The following SPECC1 variants were observed in gnomAD, a reference collection of about 807,000 sequenced individuals.
SPECC1 encodes the protein sperm antigen with calponin homology and coiled-coil domains 1, also known as cytospin-B.
SPECC1 carries 62 observed loss-of-function variants against 104.1 expected under a neutral mutation model. The ratio of observed to expected loss-of-function variants is 0.60; its 90% CI spans 0.49 to 0.74. The LOEUF (loss-of-function observed/expected upper bound fraction) is 0.74. Ranked by LOEUF, SPECC1 falls within the 30% of genes least tolerant of loss-of-function variation. The pLI, the probability that SPECC1 is intolerant of heterozygous loss-of-function variation, is 0.00. For synonymous variants in SPECC1, 513 were observed against 501.6 expected, an observed-to-expected ratio of 1.02 and a Z score of -0.30; for missense variants, 1,306 against 1,310.5, an observed-to-expected ratio of 1.00 and a Z score of 0.05.
intron 3 of SPECC1, among the ~76,000 whole-genome samples, chr17:20,201,308 A>C (rs1167798312): frequency 1.3e-5 from 2 of 151,942 alleles, no homozygotes; most frequent in African/African-American, 4.8e-5. Flanking sequence ...AAAAAAAAAA[A>C]AACAAAAAAA....
chr17:20,149,840 A>T (rs2031821745), intron 3 of SPECC1, among the ~76,000 whole-genome samples: 2 of 152,156 alleles, frequency 1.3e-5, no homozygotes, highest in African/African-American at 4.8e-5. Flanking sequence ...AATTTGAGTT[A>T]AAAAAACAGT....
chr17:20,246,866 A>G (rs1308150659), intron 8 of SPECC1, among the ~76,000 whole-genome samples: 1 of 152,098 alleles, frequency 6.6e-6, no homozygotes, highest in African/African-American at 2.4e-5. Flanking sequence ...TTAAGACTAG[A>G]CTCTACATAT....
At chr17:20,233,238 G>C (rs75807006) in intron 7 of SPECC1, among the ~76,000 whole-genome samples, 1 of 152,264 alleles carries the variant, frequency 6.6e-6, no homozygotes, top group African/African-American at 2.4e-5. Flanking sequence ...AGTCTTTTTA[G>C]ATCAAATTTC....
intron 3 of SPECC1, among the ~76,000 whole-genome samples, chr17:20,201,609 CTT>C (rs1368609201): frequency 1.3e-5 from 2 of 152,332 alleles, no homozygotes; most frequent in African/African-American, 4.8e-5. Flanking sequence ...TATGGTGAAA[CTT>C]TAGTTATCTT....
At chr17:20,138,645 C>T (rs953469600) in intron 3 of SPECC1, among the ~76,000 whole-genome samples, 2 of 152,164 alleles carry the variant, frequency 1.3e-5, no homozygotes, top group African/African-American at 4.8e-5. Flanking sequence ...ATATTGGCTT[C>T]TTTCACTTAG....
intron 3 of SPECC1, among the ~76,000 whole-genome samples, chr17:20,142,073 TA>T (rs1419439239): frequency 6.6e-6 from 1 of 152,252 alleles, no homozygotes; most frequent in Admixed American, 6.5e-5. Flanking sequence ...TGCTGAATGT[TA>T]TCTACCGAAT....
intron 12 of SPECC1, among the ~76,000 whole-genome samples, chr17:20,267,047 C>T (rs1019532261): frequency 3.3e-5 from 5 of 152,148 alleles, no homozygotes; most frequent in South Asian, 2.1e-4. Flanking sequence ...CCTGACATCT[C>T]GAGTGGCCCA....
In SPECC1 at chr17:20,219,103, A is replaced by G. The variant is rs1344350497; in HGVS notation, c.1864-8310A>G. 2.0e-5 allele frequency among the ~76,000 whole-genome samples: 3 copies of G among 152,210 alleles called. No individual in the cohort carries two copies. In the East Asian group the frequency reaches 5.8e-4, roughly 29 times the overall value. On this transcript the variant is annotated intron_variant, in intron 4 of 14. Coordinates refer to ENST00000395527, the MANE Select transcript of SPECC1 (RefSeq NM_001243439.2). ...CTTGGCTATTGTAAATAGTGCTGCAATAAACTTGGTGAGTGCAGATATCTC... is the reference window on the plus strand; with the variant it reads ...CTTGGCTATTGTAAATAGTGCTGCAGTAAACTTGGTGAGTGCAGATATCTC...
intron 3 of SPECC1, among the ~76,000 whole-genome samples, chr17:20,172,236 T>G (rs1355437318): frequency 6.6e-6 from 1 of 152,212 alleles, no homozygotes; most frequent in Non-Finnish European, 1.5e-5. Flanking sequence ...CTGCATGGGC[T>G]TCTCTGTGCC....
chr17:20,128,028 T>C (rs1490326209), intron 3 of SPECC1, among the ~76,000 whole-genome samples: 1 of 152,176 alleles, frequency 6.6e-6, no homozygotes, highest in Non-Finnish European at 1.5e-5. Flanking sequence ...AAAAAATCAA[T>C]ATAATGCTGT....
intron 13 of SPECC1, among the ~76,000 whole-genome samples, chr17:20,301,684 A>T (rs550290549): frequency 1.3e-5 from 2 of 152,230 alleles, no homozygotes; most frequent in East Asian, 3.9e-4. Flanking sequence ...TTTACAGTCC[A>T]TGAAAGATTT....
chr17:20,254,134 C>CGTCT (rs1021600483), intron 10 of SPECC1, among the ~76,000 whole-genome samples: 247 of 135,976 alleles, frequency 1.8e-3, no homozygotes, highest in African/African-American at 6.9e-3. Context: ...GTTGTTACAC[C>CGTCT]GTGTGTGTGT....
At position 20,204,448 on chromosome 17, in the gene SPECC1, C is replaced by A. The variant is rs775767192; in HGVS notation, c.399C>A (p.Ser133=). 7 of 1,614,078 alleles carry A rather than the reference C, an allele frequency of 4.3e-6. No homozygotes were observed. In the East Asian group the frequency reaches 1.6e-4, roughly 36 times the overall value. Residue 133 remains serine, a synonymous_variant, in exon 4 of 15, where the codon TCC becomes TCA. Coordinates refer to ENST00000395527, the MANE Select transcript of SPECC1 (RefSeq NM_001243439.2). ...RGPSNPRKSV[S]SPTSSNTPTP... ...CCTCCAACCCCAGGAAATCAGTGTC[C>A]AGTCCAACTTCTTCCAACACTCCCA...
In SPECC1 at chr17:20,070,779, T is replaced by A. The variant is rs1205112827; in HGVS notation, c.-21-25852T>A. Among the ~76,000 whole-genome samples, 2 of 152,088 alleles carry A rather than the reference T, an allele frequency of 1.3e-5. 1 individual carries two copies. The highest frequency in any genetic ancestry group is 2.9e-5 in the Non-Finnish European group (2 of 68,012). ...AATGGAACCAAAGGTTATGCACAGA[T>A]GTTTGTCTCATCTTGTCATTGACAT... On this transcript the variant is annotated intron_variant, in intron 1 of 14. Coordinates refer to ENST00000395527, the MANE Select transcript of SPECC1 (RefSeq NM_001243439.2).
intron 7 of SPECC1, among the ~76,000 whole-genome samples, chr17:20,236,655 C>CTTTTTTTT (rs34779112): frequency 7.9e-6 from 1 of 126,030 alleles, no homozygotes. Flanking sequence ...TGCAGTCTGG[C>CTTTTTTTT]TTTTTTTTTT....
At chr17:20,186,225 A>G (rs1156466638) in intron 3 of SPECC1, among the ~76,000 whole-genome samples, 1 of 152,224 alleles carries the variant, frequency 6.6e-6, no homozygotes, top group Non-Finnish European at 1.5e-5. Flanking sequence ...CCACCACAAT[A>G]AAATGAATTA....
At chr17:20,019,364 T>C (rs887106776) in intron 1 of SPECC1, among the ~76,000 whole-genome samples, 27 of 152,248 alleles carry the variant, frequency 1.8e-4, no homozygotes, top group African/African-American at 6.3e-4. Context: ...TAGAAATGAC[T>C]TCTCCCAGTC....
chr17:20,126,676 T>C (rs953894618), intron 3 of SPECC1, among the ~76,000 whole-genome samples: 15 of 152,246 alleles, frequency 9.9e-5, no homozygotes, highest in African/African-American at 3.6e-4. Context: ...CTTTTATTTC[T>C]GGTTCTTGCT....
intron 3 of SPECC1, chr17:20,111,816 G>GT: frequency 1.2e-6 from 1 of 829,010 alleles, no homozygotes; most frequent in South Asian, 1.3e-5. Context: ...CAGGGGGGGG[G>GT]CAGCGCGATG....
Sources: allele counts gnomAD v4.1 joint callset (sites outside exome capture counted in the v4.1 genomes callset), GRCh38; gene constraint gnomAD v4.1.1; transcripts MANE v1.5; gene names NCBI Gene and HGNC (gene_info 2026-07-23, HGNC 2026-07-21).